PTPRD: variants seen among roughly 807,000 people sequenced by gnomAD.
The protein encoded by PTPRD is receptor-type tyrosine-protein phosphatase delta.
Under a neutral mutation model 214.5 loss-of-function variants are expected in PTPRD, and 34 were observed. That is an observed-to-expected ratio of 0.16 (90% CI 0.12 to 0.21). The LOEUF is 0.21. PTPRD is among the 10% of genes least tolerant of loss of function. The pLI is 1.00. For missense variants in PTPRD, 2,545 were observed against 2,398.7 expected, an observed-to-expected ratio of 1.06 and a Z score of -1.27; for synonymous variants, 1,128 against 845.7, an observed-to-expected ratio of 1.33 and a Z score of -5.79.
At chr9:9,651,462 T>G (rs1032606994) in intron 7 of PTPRD, among the ~76,000 whole-genome samples, 3 of 152,132 alleles carry the variant, frequency 2.0e-5, no homozygotes, top group South Asian at 2.1e-4. Context: ...TTCTCATCAT[T>G]TGGCTCCCAC....
intron 20 of PTPRD, among the ~76,000 whole-genome samples, chr9:8,520,184 C>A (rs556627939): frequency 6.6e-6 from 1 of 152,224 alleles, no homozygotes; most frequent in Admixed American, 6.5e-5. Flanking sequence ...CACTAAGTCA[C>A]ATTTATTGTA....
intron 3 of PTPRD, among the ~76,000 whole-genome samples, chr9:10,167,185 G>T (rs191400540): frequency 1.3e-5 from 2 of 151,324 alleles, no homozygotes; most frequent in Non-Finnish European, 2.9e-5. Context: ...GGAGCCTGAT[G>T]TGTATTTCAG....
In PTPRD at chr9:8,319,822, T is replaced by A. The variant is rs755076619; in HGVS notation, c.5670+9A>T. ...CTTGAGATGCGAAAAATGCAATGGA[T>A]TTTCTCACCTCTGTCTGTACCATAG... On this transcript the variant is annotated intron_variant, in intron 45 of 45. Coordinates refer to ENST00000381196, the MANE Select transcript of PTPRD (RefSeq NM_002839.4). 6.2e-7 allele frequency: 1 copy of A among 1,611,648 alleles called. No individual in the cohort carries two copies. Among genetic ancestry groups the A allele is most frequent in the Non-Finnish European group, 8.5e-7 (1 of 1,178,930 alleles).
intron 2 of PTPRD, among the ~76,000 whole-genome samples, chr9:10,471,276 C>T (rs1395907486): frequency 6.6e-6 from 1 of 151,996 alleles, no homozygotes; most frequent in Non-Finnish European, 1.5e-5. Flanking sequence ...GCACATGTAT[C>T]CCGGAACTTA....
intron 9 of PTPRD, among the ~76,000 whole-genome samples, chr9:9,286,915 TATATATATATATATATATA>T: frequency 2.1e-5 from 2 of 94,410 alleles, no homozygotes; most frequent in African/African-American, 4.3e-5. Context: ...TATATATATA[TATATATATATATATATATA>T]TTTGTCTTTG....
intron 8 of PTPRD, among the ~76,000 whole-genome samples, chr9:9,551,745 AC>A (rs1413955635): frequency 1.3e-5 from 2 of 151,886 alleles, no homozygotes; most frequent in African/African-American, 4.8e-5. Flanking sequence ...TGATCTTAGA[AC>A]CCCACAAACT....
intron 3 of PTPRD, among the ~76,000 whole-genome samples, chr9:10,134,834 C>A (rs375353016): frequency 6.6e-6 from 1 of 152,132 alleles, no homozygotes; most frequent in African/African-American, 2.4e-5. Context: ...TACCTTCAGA[C>A]AATCACCATG....
chr9:9,797,243 GTTTTTTT>G (rs56375104), intron 5 of PTPRD, among the ~76,000 whole-genome samples: 1 of 98,100 alleles, frequency 1.0e-5, no homozygotes, highest in African/African-American at 4.0e-5. Context: ...ATTTCAGGCA[GTTTTTTT>G]TTTTTTTTTT....
chr9:10,077,324 T>G (rs149877102), intron 3 of PTPRD, among the ~76,000 whole-genome samples: 1 of 152,190 alleles, frequency 6.6e-6, no homozygotes, highest in South Asian at 2.1e-4. Context: ...CAGTAATTCA[T>G]GCAAATGTAC....
chr9:10,159,521 T>C (rs1047522216), intron 3 of PTPRD, among the ~76,000 whole-genome samples: 1 of 152,068 alleles, frequency 6.6e-6, no homozygotes, highest in Non-Finnish European at 1.5e-5. Flanking sequence ...GCAATAAACC[T>C]GTGACTGACC....
chr9:10,517,475 T>C (rs568902901), intron 2 of PTPRD, among the ~76,000 whole-genome samples: 1 of 152,086 alleles, frequency 6.6e-6, no homozygotes, highest in Non-Finnish European at 1.5e-5. Context: ...TTGTGGACTC[T>C]AGGGTTTTCT....
chr9:9,513,101 C>G (rs1225920897), intron 8 of PTPRD, among the ~76,000 whole-genome samples: 1 of 151,804 alleles, frequency 6.6e-6, no homozygotes, highest in African/African-American at 2.4e-5. Context: ...ATCTTCTAAC[C>G]CACTAAAATA....
chr9:9,136,352 C>T (rs928425159), intron 10 of PTPRD, among the ~76,000 whole-genome samples: 1 of 151,980 alleles, frequency 6.6e-6, no homozygotes, highest in Non-Finnish European at 1.5e-5. Context: ...AAACATTTTT[C>T]TCTTTATTAT....
intron 11 of PTPRD, among the ~76,000 whole-genome samples, chr9:8,926,868 T>C (rs1330799299): frequency 6.6e-6 from 1 of 152,200 alleles, no homozygotes; most frequent in Non-Finnish European, 1.5e-5. Flanking sequence ...CTTTCTTATA[T>C]TTAAATGTTT....
In PTPRD at chr9:9,203,738, T is replaced by G. The variant is rs561016391; in HGVS notation, c.-202-20375A>C. 5.3e-5 allele frequency among the ~76,000 whole-genome samples: 8 copies of G among 152,312 alleles called. No individual in the cohort carries two copies. The South Asian group carries it at 6.2e-4, about 12-fold the overall frequency. On this transcript the variant is annotated intron_variant, in intron 9 of 45. Coordinates refer to ENST00000381196, the MANE Select transcript of PTPRD (RefSeq NM_002839.4). Reference sequence around the variant, plus strand: ...TTCTTCTTTATGTGTTTTTGCAGTTTCTGATGTAGCAAGCGGGTATTTTAT... The same window carrying G: ...TTCTTCTTTATGTGTTTTTGCAGTTGCTGATGTAGCAAGCGGGTATTTTAT...
intron 10 of PTPRD, among the ~76,000 whole-genome samples, chr9:9,125,884 G>A (rs924449958): frequency 2.6e-5 from 4 of 152,170 alleles, no homozygotes; most frequent in Admixed American, 6.5e-5. Flanking sequence ...TACTGAGGAG[G>A]TGACCTTTGA....
chr9:9,319,470 G>C (rs572398136), intron 9 of PTPRD, among the ~76,000 whole-genome samples: 1 of 152,200 alleles, frequency 6.6e-6, no homozygotes, highest in East Asian at 1.9e-4. Context: ...AACATTTTGT[G>C]CCAAAGTGAC....
intron 3 of PTPRD, among the ~76,000 whole-genome samples, chr9:10,256,297 C>T (rs2093269595): frequency 1.3e-5 from 2 of 151,786 alleles, no homozygotes; most frequent in East Asian, 1.9e-4. Flanking sequence ...TCTTGTCCCA[C>T]TGGAAGGTCT....
At chr9:8,375,362 A>T (rs1445586544) in intron 39 of PTPRD, among the ~76,000 whole-genome samples, 1 of 152,058 alleles carries the variant, frequency 6.6e-6, no homozygotes, top group East Asian at 1.9e-4. Context: ...ACCTTTGAGT[A>T]CATAAAACGA....
Sources: allele counts gnomAD v4.1 joint callset (sites outside exome capture counted in the v4.1 genomes callset), GRCh38; gene constraint gnomAD v4.1.1; transcripts MANE v1.5; gene names NCBI Gene and HGNC (gene_info 2026-07-23, HGNC 2026-07-21).